Variants in PTGFR observed in about 807,000 individuals in gnomAD.
The protein encoded by PTGFR is prostaglandin F receptor, also known as prostaglandin F2-alpha receptor.
In PTGFR, 15 loss-of-function variants were observed where a neutral mutation model predicts 26.2. That is an observed-to-expected ratio of 0.57 (90% confidence interval 0.38 to 0.88). The LOEUF (loss-of-function observed/expected upper bound fraction) is 0.88. PTGFR is among the 40% of genes least tolerant of loss of function. The probability of loss-of-function intolerance (pLI) is 0.00; values close to 1 mark genes in which losing one functional copy is unlikely to be tolerated. For missense variants in PTGFR, 369 were observed against 427.2 expected, an observed-to-expected ratio of 0.86 and a Z score of 1.20; for synonymous variants, 165 against 151.1, an observed-to-expected ratio of 1.09 and a Z score of -0.68.
chr1:78,536,634 A>C lies in PTGFR; in HGVS notation c.1027A>C (p.Lys343Gln), dbSNP rs571216680. The C allele has an allele frequency of 5.4e-5, 87 of 1,612,968 alleles. No homozygotes were observed. The highest frequency in any genetic ancestry group is 7.2e-5 in the Non-Finnish European group (85 of 1,179,514). The change falls in exon 3 of 3, where the codon AAG (lysine) becomes CAG (glutamine). Residue 343 changes from lysine to glutamine, a missense_variant. Coordinates refer to ENST00000370757, the MANE Select transcript of PTGFR (RefSeq NM_000959.4). Reference protein sequence around the residue: ...WELSSIKNSLKVAAISESPVA... With the variant: ...WELSSIKNSLQVAAISESPVA... ...GCTTAGTTCCATTAAAAATTCCTTA[A>C]AGGTTGCTGCTATTTCTGAGTCACC... is the stretch of plus-strand genomic sequence containing the variant.
intron 2 of PTGFR, chr1:78,497,960 A>G: frequency 1.3e-6 from 2 of 1,542,386 alleles, no homozygotes; most frequent in South Asian, 2.3e-5. Context: ...TTTACCCAAG[A>G]AATGTGTTCT....
At chr1:78,502,745 A>G (rs1477099838) in intron 2 of PTGFR, among the ~76,000 whole-genome samples, 1 of 152,164 alleles carries the variant, frequency 6.6e-6, no homozygotes, top group Non-Finnish European at 1.5e-5. Flanking sequence ...TTTGACAAAC[A>G]TTTATTGGGC....
chr1:78,518,436 A>G (rs956385873), intron 2 of PTGFR, among the ~76,000 whole-genome samples: 3 of 151,904 alleles, frequency 2.0e-5, no homozygotes, highest in Non-Finnish European at 4.4e-5. Flanking sequence ...AAAATTAGGC[A>G]ACTCTATGTT....
Position 78,494,110 on chromosome 1 carries a change from A to G in PTGFR, c.798+569A>G, listed in dbSNP as rs373454416. The stretch of plus-strand genomic sequence containing the variant: ...CCAGGGAGAGGTATGTTTGGCAGGA[A>G]GGCCAGAGATTCCTCCCTTTTTGTT... On this transcript the variant is annotated intron_variant, in intron 2 of 2. Coordinates refer to ENST00000370757, the MANE Select transcript of PTGFR (RefSeq NM_000959.4). Among the ~76,000 whole-genome samples the G allele has an allele frequency of 9.8e-4, 150 of 152,392 alleles. 3 individuals are homozygous for G. The highest frequency in any genetic ancestry group is 3.4e-3 in the African/African-American group (142 of 41,604).
chr1:78,525,723 GA>G (rs1650355270), intron 2 of PTGFR, among the ~76,000 whole-genome samples: 1 of 152,002 alleles, frequency 6.6e-6, no homozygotes, highest in Non-Finnish European at 1.5e-5. Context: ...TCCCCATCCT[GA>G]AATTATTTAG....
At chr1:78,497,043 CAT>C (rs1052031577) in intron 2 of PTGFR, among the ~76,000 whole-genome samples, 7 of 152,016 alleles carry the variant, frequency 4.6e-5, no homozygotes, top group Non-Finnish European at 1.0e-4. Flanking sequence ...GTTTTGAAAA[CAT>C]AGAATGACAT....
intron 2 of PTGFR, among the ~76,000 whole-genome samples, chr1:78,529,492 G>T (rs1036571017): frequency 6.6e-6 from 1 of 152,168 alleles, no homozygotes; most frequent in African/African-American, 2.4e-5. Flanking sequence ...TCTGGAATGA[G>T]CCAGAGGTTT....
At chr1:78,504,952 A>G (rs1041940255) in intron 2 of PTGFR, among the ~76,000 whole-genome samples, 2 of 151,928 alleles carry the variant, frequency 1.3e-5, no homozygotes, top group African/African-American at 4.8e-5. Context: ...TCATCTCTGT[A>G]TTTTATTTAG....
intron 2 of PTGFR, among the ~76,000 whole-genome samples, chr1:78,511,742 T>TC (rs1438167827): frequency 6.6e-6 from 1 of 152,204 alleles, no homozygotes; most frequent in African/African-American, 2.4e-5. Context: ...ATGCTTTTTT[T>TC]CTCTATCATG....
intron 2 of PTGFR, among the ~76,000 whole-genome samples, chr1:78,524,224 C>T (rs1650314848): frequency 6.6e-6 from 1 of 152,050 alleles, no homozygotes; most frequent in Admixed American, 6.6e-5. Flanking sequence ...CCCTTCCACA[C>T]CATACTCAAC....
At chr1:78,498,414 G>GTA (rs1649611061) in intron 2 of PTGFR, among the ~76,000 whole-genome samples, 4 of 152,024 alleles carry the variant, frequency 2.6e-5, no homozygotes, top group African/African-American at 2.4e-5. Flanking sequence ...TATGTAGTGT[G>GTA]TATATATATT....
Position 78,537,615 on chromosome 1 carries a change from T to C in PTGFR, c.*928T>C, listed in dbSNP as rs1650689446. The C allele has an allele frequency of 6.6e-6, 1 of 152,070 alleles. No individual in the cohort carries two copies. The highest frequency in any genetic ancestry group is 2.1e-4 in the South Asian group (1 of 4,836). 9.4% of individuals were successfully genotyped at this position (152,070 alleles called of 1,614,324 possible). On this transcript the variant is annotated 3_prime_UTR_variant, in exon 3 of 3. Coordinates refer to ENST00000370757, the MANE Select transcript of PTGFR (RefSeq NM_000959.4). ...GTGTCAGAGAACAAAAGAAACAGAA[T>C]CAATATATAAAATTCAAAGACTATC...
At chr1:78,505,466 C>A (rs1359478119) in intron 2 of PTGFR, among the ~76,000 whole-genome samples, 1 of 152,080 alleles carries the variant, frequency 6.6e-6, no homozygotes, top group Non-Finnish European at 1.5e-5. Flanking sequence ...TAAATATAAT[C>A]ATTACTTTCT....
At chr1:78,507,432 C>T (rs1297461148) in intron 2 of PTGFR, among the ~76,000 whole-genome samples, 1 of 152,078 alleles carries the variant, frequency 6.6e-6, no homozygotes. Context: ...GAATGAAATA[C>T]CACATTTAGA....
chr1:78,510,650 C>T (rs534031591), intron 2 of PTGFR, among the ~76,000 whole-genome samples: 1 of 152,056 alleles, frequency 6.6e-6, no homozygotes, highest in Non-Finnish European at 1.5e-5. Flanking sequence ...CATCCCTGGC[C>T]CCCCCAAATC....
intron 2 of PTGFR, among the ~76,000 whole-genome samples, chr1:78,524,776 T>A (rs1225099113): frequency 6.6e-6 from 1 of 152,016 alleles, no homozygotes; most frequent in Non-Finnish European, 1.5e-5. Flanking sequence ...CAAATTAGAC[T>A]ACACAATTTT....
chr1:78,527,452 G>C (rs1422661772), intron 2 of PTGFR, among the ~76,000 whole-genome samples: 1 of 151,952 alleles, frequency 6.6e-6, no homozygotes, highest in East Asian at 1.9e-4. Context: ...TGAGATCTTA[G>C]GGAAGTAATG....
chr1:78,493,585 A>G, intron 2 of PTGFR, 44 bp downstream of exon 2: 2 of 1,486,682 alleles, frequency 1.3e-6, no homozygotes, highest in Non-Finnish European at 9.0e-7. Context: ...GGGTTAATCC[A>G]TGTTCAATTC....
intron 2 of PTGFR, among the ~76,000 whole-genome samples, chr1:78,519,773 A>G (rs1374733112): frequency 6.6e-6 from 1 of 152,106 alleles, no homozygotes; most frequent in East Asian, 1.9e-4. Flanking sequence ...CCAAGCAACT[A>G]AAAGAGTTCT....
Sources: gnomAD v4.1 joint callset for allele counts (sites outside exome capture counted in the v4.1 genomes callset) on GRCh38, gnomAD v4.1.1 for gene constraint, MANE v1.5 for transcripts, NCBI Gene and HGNC (gene_info 2026-07-23, HGNC 2026-07-21) for gene names.